The following ASIC2 variants were observed in gnomAD, a reference collection of about 807,000 sequenced individuals.
The protein encoded by ASIC2 is acid-sensing ion channel 2.
Under a neutral mutation model 57.3 loss-of-function variants are expected in ASIC2, and 25 were observed. The ratio of observed to expected loss-of-function variants is 0.44; its 90% CI spans 0.32 to 0.61. ASIC2 has a LOEUF of 0.61. Among genes scored for constraint, ASIC2 ranks in the 20% least tolerant of loss-of-function variants. The pLI, the probability that ASIC2 is intolerant of heterozygous loss-of-function variation, is 0.06. For synonymous variants in ASIC2, 319 were observed against 307.5 expected, an observed-to-expected ratio of 1.04 and a Z score of -0.39; for missense variants, 641 against 738.1, an observed-to-expected ratio of 0.87 and a Z score of 1.52.
At chr17:34,070,384 T>A (rs974889027) in intron 1 of ASIC2, 2 of 152,088 alleles carry the variant, frequency 1.3e-5, no homozygotes, top group Admixed American at 1.3e-4. Context: ...TCCATTTGGG[T>A]ACATGATTCC....
rs926923940 is a variant in ASIC2, at chr17:33,833,138, G to A, written c.555+322840C>T. On this transcript the variant is annotated intron_variant, in intron 1 of 9. Transcript: ENST00000359872. ...AAACGGGAGGCTGCATTGGAAATAC[G>A]AAATAAGAAGAAAAGTAAAGAAAAT... Among the ~76,000 whole-genome samples, 4 of 152,118 alleles carry A rather than the reference G, an allele frequency of 2.6e-5. No homozygotes were observed. In the East Asian group the frequency reaches 5.8e-4, roughly 22 times the overall value.
intron 1 of ASIC2, among the ~76,000 whole-genome samples, chr17:34,113,435 C>A (rs1911337021): frequency 6.6e-6 from 1 of 151,614 alleles, no homozygotes; most frequent in Admixed American, 6.6e-5. Flanking sequence ...GTGGTGCACA[C>A]CTGTAGTCCC....
intron 1 of ASIC2, among the ~76,000 whole-genome samples, chr17:33,419,172 G>T (rs749280361): frequency 4.6e-5 from 7 of 152,232 alleles, no homozygotes; most frequent in Non-Finnish European, 5.9e-5. Context: ...AGATGGGGAA[G>T]TGTTGTTGCA....
At chr17:34,152,434 G>A (rs1408935465) in intron 1 of ASIC2, among the ~76,000 whole-genome samples, 1 of 152,166 alleles carries the variant, frequency 6.6e-6, no homozygotes, top group South Asian at 2.1e-4. Flanking sequence ...GAATCCAACT[G>A]TGACCTCCAT....
chr17:33,720,020 A>G (rs1431268972), intron 1 of ASIC2, among the ~76,000 whole-genome samples: 1 of 152,162 alleles, frequency 6.6e-6, no homozygotes, highest in African/African-American at 2.4e-5. Context: ...ATCGGGGAAT[A>G]CAGGTGTGCA....
chr17:33,802,879 C>T (rs568875322), intron 1 of ASIC2, among the ~76,000 whole-genome samples: 1 of 152,346 alleles, frequency 6.6e-6, no homozygotes, highest in African/African-American at 2.4e-5. Flanking sequence ...CACAATGACT[C>T]TCTAGCCCTT....
chr17:34,102,585 G>A lies in ASIC2; in HGVS notation c.555+53393C>T, dbSNP rs146607914. Among the ~76,000 whole-genome samples the A allele has an allele frequency of 5.7e-3, 860 of 152,208 alleles. 6 individuals are homozygous for A. The highest frequency in any genetic ancestry group is 0.019 in the African/African-American group (802 of 41,512). On this transcript the variant is annotated intron_variant, in intron 1 of 9. Transcript: ENST00000359872. ...AATCATATGGCATATAGCCTTTTGT[G>A]TTCCTTTTGGGAGAGGGGGTTCAGC...
At chr17:34,086,236 G>C (rs1302015955) in intron 1 of ASIC2, among the ~76,000 whole-genome samples, 1 of 150,626 alleles carries the variant, frequency 6.6e-6, no homozygotes, top group Non-Finnish European at 1.5e-5. Flanking sequence ...CTGGTATGTT[G>C]TGTCTTTGTT....
chr17:33,807,070 G>A (rs1912288099), intron 1 of ASIC2, among the ~76,000 whole-genome samples: 1 of 152,084 alleles, frequency 6.6e-6, no homozygotes, highest in East Asian at 1.9e-4. Context: ...AGCCAGCCAA[G>A]GCAGTCACAG....
intron 1 of ASIC2, among the ~76,000 whole-genome samples, chr17:33,413,674 A>G (rs1910740111): frequency 6.6e-6 from 1 of 152,108 alleles, no homozygotes; most frequent in South Asian, 2.1e-4. Context: ...AGATTTTCAC[A>G]TGTTCAGCCT....
At chr17:33,091,095 A>G (rs917125597) in intron 2 of ASIC2, among the ~76,000 whole-genome samples, 8 of 152,180 alleles carry the variant, frequency 5.3e-5, no homozygotes, top group African/African-American at 1.9e-4. Context: ...AAGAGAGACC[A>G]TATTTTATTC....
At chr17:34,080,545 C>A (rs1909840558) in intron 1 of ASIC2, among the ~76,000 whole-genome samples, 2 of 152,132 alleles carry the variant, frequency 1.3e-5, no homozygotes, top group Admixed American at 1.3e-4. Flanking sequence ...AATGTGAGGC[C>A]CCATGTTGGG....
intron 1 of ASIC2, among the ~76,000 whole-genome samples, chr17:33,209,608 C>G (rs1441663708): frequency 1.3e-5 from 2 of 152,242 alleles, no homozygotes; most frequent in Non-Finnish European, 1.5e-5. Context: ...GGGGCCAAAA[C>G]TGCCACCGCT....
chr17:33,157,240 A>G (rs1905031088), intron 1 of ASIC2, among the ~76,000 whole-genome samples: 1 of 152,222 alleles, frequency 6.6e-6, no homozygotes, highest in Admixed American at 6.5e-5. Flanking sequence ...GGCTTCTGAC[A>G]AAATGAAGGC....
intron 1 of ASIC2, among the ~76,000 whole-genome samples, chr17:33,367,050 T>C (rs1439601272): frequency 1.3e-5 from 2 of 152,162 alleles, no homozygotes; most frequent in African/African-American, 4.8e-5. Flanking sequence ...AGACAAAGGG[T>C]GTGTACCAGG....
intron 1 of ASIC2, among the ~76,000 whole-genome samples, chr17:33,917,911 CACAG>C (rs1033103713): frequency 2.7e-5 from 4 of 149,838 alleles, no homozygotes; most frequent in African/African-American, 7.5e-5. Context: ...CACACACACA[CACAG>C]GTACTGAATA....
At chr17:33,707,862 A>T (rs1394289376) in intron 1 of ASIC2, among the ~76,000 whole-genome samples, 1 of 152,176 alleles carries the variant, frequency 6.6e-6, no homozygotes, top group Admixed American at 6.5e-5. Context: ...TTAAAGGACG[A>T]TCAACTGACA....
intron 1 of ASIC2, among the ~76,000 whole-genome samples, chr17:33,510,536 G>A (rs1320440027): frequency 6.6e-6 from 1 of 152,128 alleles, no homozygotes; most frequent in Non-Finnish European, 1.5e-5. Flanking sequence ...CAACTAATGG[G>A]TGGGAGGATT....
intron 1 of ASIC2, among the ~76,000 whole-genome samples, chr17:33,178,543 T>C (rs990090886): frequency 4.6e-5 from 7 of 152,226 alleles, no homozygotes; most frequent in Non-Finnish European, 1.0e-4. Context: ...CTTTGGATCT[T>C]ATAGTCCAGT....
Sources: gnomAD v4.1 joint callset for allele counts (sites outside exome capture counted in the v4.1 genomes callset) on GRCh38, gnomAD v4.1.1 for gene constraint, MANE v1.5 for transcripts, NCBI Gene and HGNC (gene_info 2026-07-23, HGNC 2026-07-21) for gene names.